Variants in RNF17 observed in about 807,000 individuals in gnomAD.
RNF17 encodes the protein ring finger protein 17, also known as spermatogenesis associated 23.
A neutral mutation model predicts 200.5 loss-of-function variants in RNF17; 31 were observed. That is an observed-to-expected ratio of 0.15 (90% CI 0.12 to 0.21). RNF17 has a LOEUF of 0.21. Ranked by LOEUF, RNF17 falls within the 10% of genes least tolerant of loss-of-function variation. The probability of loss-of-function intolerance (pLI) is 1.00; values close to 1 mark genes in which losing one functional copy is unlikely to be tolerated. For synonymous variants in RNF17, 606 were observed against 637.8 expected (o/e 0.95, Z 0.75); for missense variants, 1,628 against 1,905.1 (o/e 0.85, Z 2.71).
In RNF17 at chr13:24,847,132, A is replaced by C. The variant is rs114407337; in HGVS notation, c.3101+2053A>C. Among the ~76,000 whole-genome samples, 1,422 of 152,086 alleles carry C rather than the reference A, an allele frequency of 9.3e-3. 26 individuals are homozygous for C. The highest frequency in any genetic ancestry group is 0.033 in the African/African-American group (1,365 of 41,480). On this transcript the variant is annotated intron_variant, in intron 22 of 35. Coordinates refer to ENST00000255324, the MANE Select transcript of RNF17 (RefSeq NM_031277.3). ...GATACACTATACAATATACCTTAACATTTATTGTCTACTAGGACAGGCATT... is the reference window on the plus strand; with the variant it reads ...GATACACTATACAATATACCTTAACCTTTATTGTCTACTAGGACAGGCATT...
Position 24,865,129 on chromosome 13 carries a change from C to G in RNF17, c.4101+131C>G, listed in dbSNP as rs565299382. On this transcript the variant is annotated intron_variant, in intron 29 of 35. Transcript: ENST00000255324. ...CTATTAAGAGAGTCTAGAGGACTTA[C>G]ACATTTTTGCTGAGAAAGATGAATA... 4 of 625,782 alleles carry G rather than the reference C, an allele frequency of 6.4e-6. No homozygotes were observed. The African/African-American group carries it at 7.8e-5, about 12-fold the overall frequency. The allele number at this position is 625,782 out of a possible 1,614,324, so 38.8% of individuals were successfully genotyped here. A position where few individuals can be genotyped will look rare whatever the true frequency, so the allele number is the denominator to read the frequency against.
At chr13:24,817,302 T>C (rs1455356126) in intron 15 of RNF17, among the ~76,000 whole-genome samples, 2 of 152,202 alleles carry the variant, frequency 1.3e-5, no homozygotes, top group African/African-American at 4.8e-5. Context: ...TAGTTATAAG[T>C]CTACTCGGAT....
chr13:24,874,144 G>T lies in RNF17; in HGVS notation c.4478G>T (p.Gly1493Val). 1 of 1,610,992 alleles carries T rather than the reference G, an allele frequency of 6.2e-7. No homozygotes were observed. The highest frequency in any genetic ancestry group is 8.5e-7 in the Non-Finnish European group (1 of 1,179,192). Residue 1493 changes from glycine (G) to valine (V), a missense_variant, in exon 33 of 36, where the codon GGC becomes GTC. Gly to Val is a moderately radical substitution (Grantham distance 109, BLOSUM62 -3). Transcript: ENST00000255324. ...CCTTGCCTTGCAGAATATGATGATGGCTTATGGTATAGAGCGAAGATTGTT... is the reference window on the plus strand; with the variant it reads ...CCTTGCCTTGCAGAATATGATGATGTCTTATGGTATAGAGCGAAGATTGTT... ...EMPCLAEYDD[G>V]LWYRAKIVAI...
intron 18 of RNF17, 41 bp downstream of exon 18, chr13:24,832,019 T>G (rs767758126): frequency 1.3e-5 from 17 of 1,310,226 alleles, no homozygotes; most frequent in Non-Finnish European, 1.8e-5. Flanking sequence ...ACATATAATT[T>G]TAAATAATAA....
intron 9 of RNF17, among the ~76,000 whole-genome samples, chr13:24,791,406 G>GTCC (rs1883839631): frequency 6.6e-6 from 1 of 152,156 alleles, no homozygotes; most frequent in Admixed American, 6.6e-5. Flanking sequence ...ATGGATTGTG[G>GTCC]TATTCATCAA....
At chr13:24,785,550 A>G (rs1882994191) in intron 6 of RNF17, among the ~76,000 whole-genome samples, 1 of 152,198 alleles carries the variant, frequency 6.6e-6, no homozygotes, top group South Asian at 2.1e-4. Context: ...TGCACACTTG[A>G]GAAAAATGTT....
At chr13:24,885,249 T>C in the RNF17 span, 27 of 1,394,552 alleles carry the variant, frequency 1.9e-5, no homozygotes, top group South Asian at 2.9e-4. Context: ...TTTTATAGAA[T>C]TCATTATTTC....
intron 18 of RNF17, among the ~76,000 whole-genome samples, chr13:24,837,889 A>G (rs1448059263): frequency 6.6e-6 from 1 of 152,216 alleles, no homozygotes; most frequent in African/African-American, 2.4e-5. Context: ...TAAATGAAAG[A>G]AAAAGCTGGT....
chr13:24,766,540 C>G (rs1255320493), intron 1 of RNF17, among the ~76,000 whole-genome samples: 5 of 152,210 alleles, frequency 3.3e-5, no homozygotes, highest in Admixed American at 2.6e-4. Flanking sequence ...TTGCCAGTGT[C>G]TTAAATAATT....
rs139220680 is a variant in RNF17, at chr13:24,772,219, T to C, written c.226-2594T>C. ...AAGGCTTTGTTCTACTGATTTATTATGCTAGCACATAGTGTTTTAATTATT... is the reference window on the plus strand; with the variant it reads ...AAGGCTTTGTTCTACTGATTTATTACGCTAGCACATAGTGTTTTAATTATT... On this transcript the variant is annotated intron_variant, in intron 2 of 35. Coordinates refer to ENST00000255324, the MANE Select transcript of RNF17 (RefSeq NM_031277.3). Among the ~76,000 whole-genome samples the C allele has an allele frequency of 2.7e-3, 414 of 152,324 alleles. 4 individuals are homozygous for C. The highest frequency in any genetic ancestry group is 9.6e-3 in the African/African-American group (399 of 41,570).
intron 23 of RNF17, among the ~76,000 whole-genome samples, chr13:24,850,900 A>G (rs1242930384): frequency 6.6e-6 from 1 of 152,174 alleles, no homozygotes; most frequent in African/African-American, 2.4e-5. Context: ...CTGGAAAAAA[A>G]GTTTCCAGTT....
At chr13:24,850,790 G>A (rs1218414200) in intron 23 of RNF17, among the ~76,000 whole-genome samples, 1 of 152,110 alleles carries the variant, frequency 6.6e-6, no homozygotes, top group Non-Finnish European at 1.5e-5. Context: ...GCACACCTTG[G>A]AAAATATATT....
intron 26 of RNF17, among the ~76,000 whole-genome samples, chr13:24,860,488 G>A (rs944704205): frequency 6.6e-6 from 1 of 151,970 alleles, no homozygotes; most frequent in Non-Finnish European, 1.5e-5. Flanking sequence ...AATGTCTCGT[G>A]AAACCATATC....
chr13:24,882,277 T>C (rs1159707072), downstream of RNF17: 1 of 149,662 alleles, frequency 6.7e-6, no homozygotes, highest in South Asian at 2.1e-4. Context: ...TCTGTACTTA[T>C]ATTCTTCAAA....
chr13:24,789,631 TTTTTGTC>T, intron 8 of RNF17, 60 bp from the exon 9 acceptor site: 1 of 1,073,930 alleles, frequency 9.3e-7, no homozygotes. Flanking sequence ...CAGCAATTGA[TTTTTGTC>T]TAGAGAACAT....
At chr13:24,760,262 GATT>G (rs1329962107), upstream of RNF17, among the ~76,000 whole-genome samples, 1 of 152,148 alleles carries the variant, frequency 6.6e-6, no homozygotes, top group African/African-American at 2.4e-5. Context: ...TGAGAAAAAT[GATT>G]ATGATAAAAA....
chr13:24,796,000 C>A, intron 10 of RNF17, 137 bp from the exon 11 acceptor site: 1 of 515,706 alleles, frequency 1.9e-6, no homozygotes, highest in African/African-American at 2.0e-5. Context: ...TGCACTACTT[C>A]CTGGGGCCGA....
At chr13:24,775,456 GC>G (rs1566118758) in intron 3 of RNF17, among the ~76,000 whole-genome samples, 1 of 152,048 alleles carries the variant, frequency 6.6e-6, no homozygotes, top group East Asian at 1.9e-4. Flanking sequence ...TCATTGTGTT[GC>G]CCAAGCTGGT....
intron 14 of RNF17, among the ~76,000 whole-genome samples, chr13:24,802,992 C>T (rs1046038722): frequency 1.3e-5 from 2 of 152,108 alleles, no homozygotes; most frequent in South Asian, 2.1e-4. Context: ...CCCAGGAGTT[C>T]GAGCTATGCT....
Sources: gnomAD v4.1 joint callset for allele counts (sites outside exome capture counted in the v4.1 genomes callset) on GRCh38, gnomAD v4.1.1 for gene constraint, MANE v1.5 for transcripts, NCBI Gene and HGNC (gene_info 2026-07-23, HGNC 2026-07-21) for gene names.